The following UNC5C variants were observed in gnomAD, a reference collection of about 807,000 sequenced individuals.
UNC5C encodes unc-5 netrin receptor C, also known as netrin receptor UNC5C.
Under a neutral mutation model 99.8 loss-of-function variants are expected in UNC5C, and 47 were observed. The ratio of observed to expected loss-of-function variants is 0.47; its 90% confidence interval spans 0.37 to 0.60. The LOEUF (loss-of-function observed/expected upper bound fraction) is 0.60. UNC5C is among the 20% of genes least tolerant of loss of function. The pLI, the probability that UNC5C is intolerant of heterozygous loss-of-function variation, is 0.00. For missense variants in UNC5C, 1,062 were observed against 1,165.9 expected (o/e 0.91, Z 1.30); for synonymous variants, 487 against 452.2 (o/e 1.08, Z -0.98).
intron 1 of UNC5C, among the ~76,000 whole-genome samples, chr4:95,523,827 G>A (rs59326360): frequency 0.14 from 21,139 of 151,954 alleles, 3,762 homozygotes; most frequent in African/African-American, 0.42. Context: ...AATGTCAAAA[G>A]TATCAATCCC....
intron 1 of UNC5C, among the ~76,000 whole-genome samples, chr4:95,536,787 T>C (rs1051052620): frequency 6.6e-6 from 1 of 152,228 alleles, no homozygotes; most frequent in Non-Finnish European, 1.5e-5. Flanking sequence ...TTCCTTCTGT[T>C]ATTAATGTTT....
chr4:95,534,700 A>G (rs1373083708), intron 1 of UNC5C, among the ~76,000 whole-genome samples: 1 of 152,122 alleles, frequency 6.6e-6, no homozygotes, highest in African/African-American at 2.4e-5. Context: ...TAGTCTGTTC[A>G]TTAGTCCATT....
chr4:95,219,918 A>G (rs779142282), intron 8 of UNC5C, 67 bp downstream of exon 8: 474 of 1,527,378 alleles, frequency 3.1e-4, no homozygotes, highest in Admixed American at 1.8e-3. Flanking sequence ...AGATGACTCT[A>G]AAGTCATTGA....
intron 1 of UNC5C, among the ~76,000 whole-genome samples, chr4:95,376,409 A>G (rs1744897307): frequency 6.6e-6 from 1 of 152,148 alleles, no homozygotes; most frequent in Non-Finnish European, 1.5e-5. Context: ...AATCGTTTTC[A>G]TATTCTATAT....
At chr4:95,239,549 G>A (rs72672785) in intron 7 of UNC5C, among the ~76,000 whole-genome samples, 4,802 of 152,110 alleles carry the variant, frequency 0.032, 103 homozygotes, top group Middle Eastern at 0.082. Context: ...CCAGCTCCCC[G>A]CTCCTGGTTA....
rs187635863 is a variant in UNC5C, at chr4:95,225,933, C to G, written c.1109-5757G>C. On this transcript the variant is annotated intron_variant, in intron 7 of 15. Coordinates refer to ENST00000453304, the MANE Select transcript of UNC5C (RefSeq NM_003728.4). ...TGGGAATCAGAGAAGAAGGGGATTACTGTTCCATCCCCTAAATGAGGGGAA... is the reference window on the plus strand; with the variant it reads ...TGGGAATCAGAGAAGAAGGGGATTAGTGTTCCATCCCCTAAATGAGGGGAA... Among the ~76,000 whole-genome samples, 113 of 152,312 alleles carry G rather than the reference C, an allele frequency of 7.4e-4. 2 individuals carry two copies. Among genetic ancestry groups the G allele is most frequent in the East Asian group, 9.7e-4 (5 of 5,178 alleles).
intron 1 of UNC5C, among the ~76,000 whole-genome samples, chr4:95,491,441 A>C (rs17024071): frequency 0.021 from 3,227 of 151,690 alleles, 121 homozygotes; most frequent in African/African-American, 0.074. Context: ...ATATGGAAAA[A>C]CTGCCCATCT....
At position 95,498,439 on chromosome 4, in the gene UNC5C, A is replaced by C. The variant is rs78623252; in HGVS notation, c.124+50295T>G. 5.2e-3 allele frequency among the ~76,000 whole-genome samples: 795 copies of C among 152,162 alleles called. 13 individuals carry two copies. In the East Asian group the frequency reaches 0.066, roughly 13 times the overall value. ...TAAACATTTTCCTTTGACTAGTTGA[A>C]AAGTGTTACATAAAAAAGGAAAACA... On this transcript the variant is annotated intron_variant, in intron 1 of 15. Transcript: ENST00000453304.
At chr4:95,270,817 A>G (rs1352231805) in intron 4 of UNC5C, among the ~76,000 whole-genome samples, 2 of 152,244 alleles carry the variant, frequency 1.3e-5, no homozygotes, top group Non-Finnish European at 2.9e-5. Context: ...GCTAACTTTT[A>G]CAGGGCAAAA....
At chr4:95,509,088 T>A (rs1490857379) in intron 1 of UNC5C, among the ~76,000 whole-genome samples, 1 of 151,848 alleles carries the variant, frequency 6.6e-6, no homozygotes, top group Non-Finnish European at 1.5e-5. Flanking sequence ...CAAGTAGGAA[T>A]TTTGACATAT....
At chr4:95,388,023 C>A (rs1745257929) in intron 1 of UNC5C, among the ~76,000 whole-genome samples, 1 of 152,102 alleles carries the variant, frequency 6.6e-6, no homozygotes, top group African/African-American at 2.4e-5. Context: ...ACATTGAAAA[C>A]TACCTAGCAG....
intron 7 of UNC5C, among the ~76,000 whole-genome samples, chr4:95,232,534 G>A (rs1466489038): frequency 2.0e-5 from 3 of 152,026 alleles, no homozygotes; most frequent in South Asian, 2.1e-4. Flanking sequence ...CTGCACCCCC[G>A]TGATCTCGAA....
At chr4:95,171,455 T>G (rs1481757335) in intron 14 of UNC5C, among the ~76,000 whole-genome samples, 1 of 150,422 alleles carries the variant, frequency 6.6e-6, no homozygotes, top group Non-Finnish European at 1.5e-5. Flanking sequence ...GTGTTCTCAT[T>G]GTTCAATTCC....
chr4:95,176,880 T>C (rs911711807), intron 14 of UNC5C, among the ~76,000 whole-genome samples: 4 of 152,348 alleles, frequency 2.6e-5, no homozygotes, highest in Non-Finnish European at 4.4e-5. Context: ...ACTGCTGTGC[T>C]AGCAATCAGC....
rs1735994891 is a variant in UNC5C, at chr4:95,169,373, G to C, written c.2657C>G (p.Ser886Cys). The change falls in exon 16 of 16, where the codon TCC (serine) becomes TGC (cysteine). Residue 886 changes from serine (S) to cysteine (C), a missense_variant. Physicochemically the swap from Ser to Cys is moderately radical, Grantham distance 112. Transcript: ENST00000453304. The stretch of plus-strand genomic sequence containing the variant: ...ATCCAGGATTACGCCAGTTGGGCTG[G>C]ATTTGGTGGCAAAGTAATTCAAGTA... ...DRYLNYFATK[S>C]SPTGVILDLW... is the part of the protein sequence containing the mutation. 1 of 1,614,082 alleles carries C rather than the reference G, an allele frequency of 6.2e-7. No homozygotes were observed. The highest frequency in any genetic ancestry group is 8.5e-7 in the Non-Finnish European group (1 of 1,180,028).
intron 7 of UNC5C, among the ~76,000 whole-genome samples, chr4:95,220,944 A>G (rs1029092301): frequency 3.9e-5 from 6 of 152,190 alleles, no homozygotes; most frequent in Non-Finnish European, 7.3e-5. Flanking sequence ...GCACTAAGGA[A>G]GACAAAGGCC....
chr4:95,252,122 A>T (rs572873090), intron 4 of UNC5C, among the ~76,000 whole-genome samples: 59 of 152,284 alleles, frequency 3.9e-4, no homozygotes, highest in Middle Eastern at 3.4e-3. Flanking sequence ...ATATATACTC[A>T]TATTCACTTG....
chr4:95,424,591 G>A (rs1472327607), intron 1 of UNC5C, among the ~76,000 whole-genome samples: 5 of 136,616 alleles, frequency 3.7e-5, no homozygotes, highest in Admixed American at 8.4e-5. Flanking sequence ...GCGCAATCTC[G>A]GCTCACTGCA....
At chr4:95,422,482 A>T (rs1336394915) in intron 1 of UNC5C, among the ~76,000 whole-genome samples, 2 of 152,012 alleles carry the variant, frequency 1.3e-5, no homozygotes, top group African/African-American at 4.8e-5. Context: ...TCTTTGAGAC[A>T]TGTTTTTTTC....
Sources: gnomAD v4.1 joint callset for allele counts (sites outside exome capture counted in the v4.1 genomes callset) on GRCh38, gnomAD v4.1.1 for gene constraint, MANE v1.5 for transcripts, NCBI Gene and HGNC (gene_info 2026-07-23, HGNC 2026-07-21) for gene names.